ZNF423: variants seen among roughly 807,000 people sequenced by gnomAD.
ZNF423 encodes Ebf-associated zinc finger protein.
A neutral mutation model predicts 95.8 loss-of-function variants in ZNF423; 12 were observed. The observed-to-expected ratio is 0.13, with a 90% CI of 0.08 to 0.20. The LOEUF (loss-of-function observed/expected upper bound fraction) is 0.20. ZNF423 is among the 10% of genes least tolerant of loss of function. The probability of loss-of-function intolerance (pLI) is 1.00; values close to 1 mark genes in which losing one functional copy is unlikely to be tolerated. For missense variants in ZNF423, 1,316 were observed against 1,737.1 expected (o/e 0.76, Z 4.31); for synonymous variants, 749 against 711.9 (o/e 1.05, Z -0.83).
At chr16:49,634,325 T>C (rs1002588181) in intron 4 of ZNF423, among the ~76,000 whole-genome samples, 6 of 151,618 alleles carry the variant, frequency 4.0e-5, no homozygotes, top group Non-Finnish European at 8.8e-5. Flanking sequence ...GCTGGGACTA[T>C]AGGTGTCAGC....
rs1885316707 is a variant in ZNF423, at chr16:49,489,348, C to T, written c.*1927G>A. 6.6e-6 allele frequency: 1 copy of T among 152,382 alleles called. No homozygotes were observed. The allele number at this position is 152,382 out of a possible 1,614,324, so 9.4% of individuals were successfully genotyped here. A position where few individuals can be genotyped will look rare whatever the true frequency, so the allele number is the denominator to read the frequency against. ...AGCCCCAGCCCCAGGCCCCAAGCCC[C>T]AGTCCACGGGTGGGCACACTTAGAG... On this transcript the variant is annotated 3_prime_UTR_variant, in exon 8 of 8. Transcript: ENST00000563137.
intron 3 of ZNF423, among the ~76,000 whole-genome samples, chr16:49,698,426 AT>A (rs1332974169): frequency 6.6e-6 from 1 of 152,048 alleles, no homozygotes; most frequent in Non-Finnish European, 1.5e-5. Context: ...ATCAATTACC[AT>A]TATCTTTCTC....
chr16:49,779,617 G>A (rs1382106604), intron 2 of ZNF423, among the ~76,000 whole-genome samples: 1 of 152,130 alleles, frequency 6.6e-6, no homozygotes, highest in South Asian at 2.1e-4. Flanking sequence ...CCAAATGCAT[G>A]AGGAGTTATG....
chr16:49,590,413 G>A (rs1274973124), intron 5 of ZNF423, among the ~76,000 whole-genome samples: 2 of 152,104 alleles, frequency 1.3e-5, no homozygotes, highest in South Asian at 2.1e-4. Context: ...CAGGCATCAC[G>A]GCTGCTTCGG....
chr16:49,715,634 A>T (rs929432506), intron 3 of ZNF423, among the ~76,000 whole-genome samples: 59 of 152,242 alleles, frequency 3.9e-4, no homozygotes, highest in Non-Finnish European at 2.4e-4. Flanking sequence ...AGTCCTAGCT[A>T]CTGGGGAGGC....
intron 1 of ZNF423, among the ~76,000 whole-genome samples, chr16:49,790,729 T>TA (rs1413867723): frequency 6.6e-6 from 1 of 152,228 alleles, no homozygotes; most frequent in Non-Finnish European, 1.5e-5. Context: ...CTCTGCCTCT[T>TA]ACTAGCTGTA....
chr16:49,514,589 C>T (rs57707633), intron 7 of ZNF423, among the ~76,000 whole-genome samples: 9,696 of 152,272 alleles, frequency 0.064, 436 homozygotes, highest in African/African-American at 0.12. Flanking sequence ...TGGCAGAGCC[C>T]GGCTCACCCT....
intron 5 of ZNF423, among the ~76,000 whole-genome samples, chr16:49,561,731 C>A (rs529229809): frequency 2.0e-5 from 3 of 152,124 alleles, no homozygotes; most frequent in Admixed American, 6.5e-5. Flanking sequence ...GCATTAAGTG[C>A]GGTATAGGGC....
In ZNF423 at chr16:49,815,921, T is replaced by A. The variant is rs1197796853; in HGVS notation, c.41-26375A>T. ...ATATATATATATATATATATTTTTT[T>A]TTTTTTTTTTTTTTTGAGACAAAGT... On this transcript the variant is annotated intron_variant, in intron 1 of 7. Transcript: ENST00000563137. Among the ~76,000 whole-genome samples, 581 of 75,630 alleles carry A rather than the reference T, an allele frequency of 7.7e-3. 3 individuals carry two copies. Among genetic ancestry groups the A allele is most frequent in the South Asian group, 0.023 (43 of 1,888 alleles). The allele number at this position is 75,630 out of a possible 152,430, so 49.6% of individuals were successfully genotyped here.
chr16:49,700,215 A>AG (rs202020290), intron 3 of ZNF423, among the ~76,000 whole-genome samples: 3,665 of 135,926 alleles, frequency 0.027, 69 homozygotes, highest in East Asian at 0.035. Context: ...AAAAAAAAAA[A>AG]AACAAGAAGA....
At chr16:49,779,483 T>A (rs1438346168) in intron 2 of ZNF423, among the ~76,000 whole-genome samples, 1 of 152,114 alleles carries the variant, frequency 6.6e-6, no homozygotes, top group Non-Finnish European at 1.5e-5. Flanking sequence ...CCAGACCTGC[T>A]GAGTCAGAAT....
At chr16:49,769,920 T>A (rs547447366) in intron 2 of ZNF423, among the ~76,000 whole-genome samples, 4 of 152,022 alleles carry the variant, frequency 2.6e-5, no homozygotes, top group African/African-American at 9.7e-5. Flanking sequence ...TAACGCCCCC[T>A]CCTTGGTACA....
intron 1 of ZNF423, among the ~76,000 whole-genome samples, chr16:49,810,238 G>A (rs1484323519): frequency 1.3e-5 from 2 of 151,560 alleles, no homozygotes; most frequent in Admixed American, 6.6e-5. Flanking sequence ...AGCCAGAGAG[G>A]GGCCTCTGCC....
At chr16:49,739,696 G>GT (rs10574656) in intron 2 of ZNF423, among the ~76,000 whole-genome samples, 1,382 of 52,566 alleles carry the variant, frequency 0.026, 12 homozygotes, top group Non-Finnish European at 0.042. Flanking sequence ...TTTTTGTTTG[G>GT]TTTTTTTTTT....
intron 7 of ZNF423, among the ~76,000 whole-genome samples, chr16:49,495,642 G>A (rs544034314): frequency 2.0e-5 from 3 of 152,282 alleles, no homozygotes; most frequent in East Asian, 3.9e-4. Context: ...TGGAAGGAGC[G>A]GGCCAGAGTA....
At chr16:49,541,912 A>G (rs1016137434) in intron 5 of ZNF423, among the ~76,000 whole-genome samples, 1 of 152,256 alleles carries the variant, frequency 6.6e-6, no homozygotes, top group Non-Finnish European at 1.5e-5. Context: ...CTGCAAGTCA[A>G]TTAAACCTCT....
intron 5 of ZNF423, among the ~76,000 whole-genome samples, chr16:49,553,654 A>AT (rs962558296): frequency 1.1e-4 from 17 of 148,028 alleles, no homozygotes; most frequent in East Asian, 4.0e-4. Context: ...GCCTATTTTT[A>AT]TTTTTTTTTA....
At chr16:49,516,752 G>T (rs550011568) in intron 7 of ZNF423, among the ~76,000 whole-genome samples, 3 of 152,224 alleles carry the variant, frequency 2.0e-5, no homozygotes, top group Non-Finnish European at 2.9e-5. Flanking sequence ...GAACTTGCTG[G>T]TTTGTATCAT....
chr16:49,789,536 C>T lies in ZNF423; in HGVS notation c.51G>A (p.Gly17=), dbSNP rs372625454. Residue 17 remains glycine (G), a synonymous_variant, in exon 2 of 8, where the codon GGG becomes GGA. Coordinates refer to ENST00000563137, the MANE Select transcript of ZNF423 (RefSeq NM_001379286.1). ...AKPRSVKVEE[G]EASDFSLAWD... ...AGGCCAGCGAGAAGTCTGAGGCCTCCCCCTCTTCAACTGAAAGAGAGAACA... is the reference window on the plus strand; with the variant it reads ...AGGCCAGCGAGAAGTCTGAGGCCTCTCCCTCTTCAACTGAAAGAGAGAACA... The T allele has an allele frequency of 7.4e-6, 12 of 1,612,066 alleles. No homozygotes were observed. The highest frequency in any genetic ancestry group is 3.3e-5 in the South Asian group (3 of 90,778).
Sources: gnomAD v4.1 joint callset for allele counts (sites outside exome capture counted in the v4.1 genomes callset) on GRCh38, gnomAD v4.1.1 for gene constraint, MANE v1.5 for transcripts, NCBI Gene and HGNC (gene_info 2026-07-23, HGNC 2026-07-21) for gene names.